Variants in ECM2 observed in about 807,000 individuals in gnomAD.
The protein encoded by ECM2 is extracellular matrix protein 2.
A neutral mutation model predicts 67.5 loss-of-function variants in ECM2; 57 were observed. The ratio of observed to expected loss-of-function variants is 0.84; its 90% CI spans 0.68 to 1.05. The LOEUF (loss-of-function observed/expected upper bound fraction) is 1.05. ECM2 is among the 50% of genes least tolerant of loss of function. The pLI is 0.00. For synonymous variants in ECM2, 258 were observed against 294.5 expected, an observed-to-expected ratio of 0.88 and a Z score of 1.27; for missense variants, 741 against 822.8, an observed-to-expected ratio of 0.90 and a Z score of 1.22.
At chr9:92,548,712 A>G in the ECM2 span, among the ~76,000 whole-genome samples, 1 of 152,218 alleles carries the variant, frequency 6.6e-6, no homozygotes. Context: ...AGAAAATTAT[A>G]AAATTTTGAG....
In ECM2 at chr9:92,495,470, T is replaced by G; in HGVS notation, c.*845A>C. 4.1e-6 allele frequency: 4 copies of G among 984,866 alleles called. No homozygotes were observed. In the African/African-American group the frequency reaches 7.0e-5, roughly 17 times the overall value. The allele number at this position is 984,866 out of a possible 1,614,324, so 61.0% of individuals were successfully genotyped here. The stretch of plus-strand genomic sequence containing the variant: ...CAGTGGTGCAAAATTTTTCAAAAAT[T>G]TATACATTAGATTTACCTTTACAAG... On this transcript the variant is annotated 3_prime_UTR_variant, in exon 10 of 10. Transcript: ENST00000344604.
At chr9:92,502,364 G>T (rs1458668131) in intron 8 of ECM2, 149 bp downstream of exon 8, 4 of 958,914 alleles carry the variant, frequency 4.2e-6, no homozygotes, top group Admixed American at 2.7e-5. Flanking sequence ...TGGGGATAGG[G>T]TAAGGGTTCA....
chr9:92,542,648 C>G, the ECM2 span, among the ~76,000 whole-genome samples: 5 of 152,260 alleles, frequency 3.3e-5, no homozygotes, highest in East Asian at 9.7e-4. Flanking sequence ...TCCCCAGTAG[C>G]TGGGACTACA....
At chr9:92,518,234 G>A (rs759293538) in intron 2 of ECM2, among the ~76,000 whole-genome samples, 3 of 152,138 alleles carry the variant, frequency 2.0e-5, no homozygotes, top group Non-Finnish European at 2.9e-5. Context: ...GGGGACACAG[G>A]GGCTCAGCTC....
the ECM2 span, among the ~76,000 whole-genome samples, chr9:92,550,220 A>G: frequency 6.6e-6 from 1 of 152,120 alleles, no homozygotes; most frequent in African/African-American, 2.4e-5. Flanking sequence ...ACATGGCGAA[A>G]CCCCGTCTCT....
At chr9:92,558,475 A>C in the ECM2 span, among the ~76,000 whole-genome samples, 1 of 152,100 alleles carries the variant, frequency 6.6e-6, no homozygotes, top group Non-Finnish European at 1.5e-5. Context: ...GTCTGTACAG[A>C]GTCTTGTGAT....
intron 1 of ECM2, among the ~76,000 whole-genome samples, chr9:92,533,328 A>AAAAAT (rs1554683138): frequency 1.3e-4 from 5 of 38,338 alleles, no homozygotes; most frequent in Non-Finnish European, 1.7e-4. Flanking sequence ...AAAAAAAAAA[A>AAAAAT]ATATATATAT....
intron 4 of ECM2, among the ~76,000 whole-genome samples, chr9:92,514,239 A>G (rs1164064232): frequency 6.7e-6 from 1 of 150,088 alleles, no homozygotes; most frequent in East Asian, 2.0e-4. Context: ...TGGGACTACA[A>G]GTGTATACAA....
intron 9 of ECM2, among the ~76,000 whole-genome samples, chr9:92,498,603 A>G (rs1015000566): frequency 6.6e-6 from 1 of 152,182 alleles, no homozygotes; most frequent in Non-Finnish European, 1.5e-5. Context: ...AAAACCAAAA[A>G]TAAACTAAAT....
intron 1 of ECM2, among the ~76,000 whole-genome samples, chr9:92,523,329 G>T (rs573419356): frequency 1.3e-5 from 2 of 152,246 alleles, no homozygotes; most frequent in East Asian, 3.9e-4. Flanking sequence ...AATATTTGAG[G>T]CGTCATAGGC....
intron 3 of ECM2, chr9:92,517,328 G>A (rs779497865): frequency 8.1e-5 from 30 of 369,698 alleles, no homozygotes; most frequent in Non-Finnish European, 1.4e-4. Context: ...CGTTGCACTG[G>A]ATTAAGTGGG....
At chr9:92,517,656 A>G in intron 3 of ECM2, 31 bp downstream of exon 3, 1 of 1,613,024 alleles carries the variant, frequency 6.2e-7, no homozygotes, top group East Asian at 2.2e-5. Flanking sequence ...TTAATCACAC[A>G]CTGATATTTT....
intron 1 of ECM2, among the ~76,000 whole-genome samples, chr9:92,524,186 A>C (rs1451328852): frequency 6.6e-6 from 1 of 152,124 alleles, no homozygotes; most frequent in African/African-American, 2.4e-5. Flanking sequence ...CTAGCTTTAT[A>C]ATTGTCTGGG....
At position 92,495,838 on chromosome 9, in the gene ECM2, C is replaced by T. The variant is rs912921499; in HGVS notation, c.*477G>A. On this transcript the variant is annotated 3_prime_UTR_variant, in exon 10 of 10. Coordinates refer to ENST00000344604, the MANE Select transcript of ECM2 (RefSeq NM_001393.4). The stretch of plus-strand genomic sequence containing the variant: ...TTATACCAGTAATTATAGCACAGGA[C>T]CTTATAAGAAATTAACAAATTATTG... The T allele has an allele frequency of 2.6e-5, 25 of 968,226 alleles. No homozygotes were observed. Among genetic ancestry groups the T allele is most frequent in the Non-Finnish European group, 3.1e-5 (25 of 814,438 alleles). 60.0% of individuals were successfully genotyped at this position (968,226 alleles called of 1,614,324 possible).
chr9:92,546,134 G>T, the ECM2 span, among the ~76,000 whole-genome samples: 1 of 152,160 alleles, frequency 6.6e-6, no homozygotes, highest in Non-Finnish European at 1.5e-5. Context: ...CTAATCTAGT[G>T]GGGACTTGGA....
chr9:92,530,623 G>C (rs1439289878), intron 1 of ECM2, among the ~76,000 whole-genome samples: 1 of 152,258 alleles, frequency 6.6e-6, no homozygotes, highest in East Asian at 1.9e-4. Flanking sequence ...TTTATCATTA[G>C]GTGGATACTT....
the ECM2 span, among the ~76,000 whole-genome samples, chr9:92,546,877 T>A: frequency 2.0e-5 from 3 of 152,298 alleles, no homozygotes; most frequent in Admixed American, 6.5e-5. Flanking sequence ...GTTCATAATT[T>A]CAAATCTTCC....
At chr9:92,525,832 C>CTG (rs1016646142) in intron 1 of ECM2, among the ~76,000 whole-genome samples, 9 of 142,274 alleles carry the variant, frequency 6.3e-5, no homozygotes, top group African/African-American at 2.4e-4. Flanking sequence ...GGAGGTTGCA[C>CTG]TGAGTAGCTA....
At chr9:92,533,303 C>CAAACAAAAAA (rs1223222898) in intron 1 of ECM2, among the ~76,000 whole-genome samples, 1 of 29,882 alleles carries the variant, frequency 3.3e-5, no homozygotes. Flanking sequence ...CGGTCTCAAA[C>CAAACAAAAAA]AAAAAAAAAA....
Sources: allele counts gnomAD v4.1 joint callset (sites outside exome capture counted in the v4.1 genomes callset), GRCh38; gene constraint gnomAD v4.1.1; transcripts MANE v1.5; gene names NCBI Gene and HGNC (gene_info 2026-07-23, HGNC 2026-07-21).